Variants in RASA3 observed in about 807,000 individuals in gnomAD.
The protein encoded by RASA3 is RAS p21 protein activator 3.
Under a neutral mutation model 110.0 loss-of-function variants are expected in RASA3, and 73 were observed. That is an observed-to-expected ratio of 0.66 (90% CI 0.55 to 0.81). The LOEUF (loss-of-function observed/expected upper bound fraction) is 0.81. Among genes scored for constraint, RASA3 ranks in the 30% least tolerant of loss-of-function variants. RASA3 has a pLI of 0.00. For missense variants in RASA3, 976 were observed against 1,113.2 expected, an observed-to-expected ratio of 0.88 and a Z score of 1.75; for synonymous variants, 500 against 451.4, an observed-to-expected ratio of 1.11 and a Z score of -1.37.
intron 1 of RASA3, among the ~76,000 whole-genome samples, chr13:114,075,092 G>C (rs990820029): frequency 2.6e-5 from 4 of 151,998 alleles, no homozygotes; most frequent in African/African-American, 9.7e-5. Context: ...GACAGATGCA[G>C]GCACAGGCAC....
At chr13:114,053,498 G>T (rs922259675) in intron 2 of RASA3, among the ~76,000 whole-genome samples, 2 of 152,262 alleles carry the variant, frequency 1.3e-5, no homozygotes, top group Admixed American at 1.3e-4. Context: ...AAATAGGAAA[G>T]ATGTAAGTTA....
chr13:114,091,142 T>C (rs1459284839), intron 1 of RASA3, among the ~76,000 whole-genome samples: 1 of 152,148 alleles, frequency 6.6e-6, no homozygotes, highest in Admixed American at 6.5e-5. Context: ...AACAGTCCCA[T>C]TGCTATTTCT....
At chr13:114,078,965 C>G (rs2079736885) in intron 1 of RASA3, among the ~76,000 whole-genome samples, 3 of 152,256 alleles carry the variant, frequency 2.0e-5, no homozygotes, top group Non-Finnish European at 4.4e-5. Flanking sequence ...AGCACTGCTC[C>G]TCCCTGCAGG....
chr13:113,981,993 C>A, intron 22 of RASA3, 135 bp from the exon 23 acceptor site: 1 of 763,334 alleles, frequency 1.3e-6, no homozygotes, highest in South Asian at 2.0e-5. Flanking sequence ...GGGCTGACCA[C>A]CACTCGTAAA....
chr13:114,125,473 C>T (rs549134262), intron 1 of RASA3, among the ~76,000 whole-genome samples: 27 of 152,262 alleles, frequency 1.8e-4, no homozygotes, highest in African/African-American at 4.6e-4. Context: ...CCGGATCTCA[C>T]GAGAACTCAC....
intron 21 of RASA3, among the ~76,000 whole-genome samples, chr13:113,994,961 G>A (rs1412107845): frequency 1.3e-5 from 2 of 152,154 alleles, no homozygotes; most frequent in African/African-American, 2.4e-5. Flanking sequence ...GTGACAGAAC[G>A]AGATCCCATC....
intron 1 of RASA3, among the ~76,000 whole-genome samples, chr13:114,113,596 G>A (rs1181442373): frequency 2.0e-5 from 3 of 151,282 alleles, no homozygotes; most frequent in African/African-American, 4.8e-5. Flanking sequence ...AGCTCACACC[G>A]CATCCATCAA....
chr13:114,097,662 TCTC>T lies in RASA3; in HGVS notation c.56-23828_56-23826del, dbSNP rs924188277. Among the ~76,000 whole-genome samples, 54 of 152,232 alleles carry T rather than the reference TCTC, an allele frequency of 3.5e-4. No homozygotes were observed. The East Asian group carries it at 6.2e-3, about 17-fold the overall frequency. Reference sequence around the variant, plus strand: ...GCCCGGCCACAAAGGCTGCCGTCCTTCTCCTCGTCCCAGTCCATCTTACAGAAT... The same window carrying T: ...GCCCGGCCACAAAGGCTGCCGTCCTTCTCGTCCCAGTCCATCTTACAGAAT... On this transcript the variant is annotated intron_variant, in intron 1 of 23. Transcript: ENST00000334062.
chr13:114,110,310 C>A (rs2080199479), intron 1 of RASA3, among the ~76,000 whole-genome samples: 1 of 152,212 alleles, frequency 6.6e-6, no homozygotes. Context: ...CCTGACCATA[C>A]CCTGTGCTGT....
chr13:114,117,001 T>G (rs1312953327), intron 1 of RASA3, among the ~76,000 whole-genome samples: 12 of 104,438 alleles, frequency 1.1e-4, no homozygotes, highest in African/African-American at 4.7e-4. Context: ...TGCACATGTG[T>G]GAGGGGTGCA....
rs758360339 is a variant in RASA3 at position 114,027,924 on chromosome 13, G to A, written c.453C>T (p.Ile151=). The A allele has an allele frequency of 4.3e-6, 7 of 1,611,910 alleles. No individual in the cohort carries two copies. The highest frequency in any genetic ancestry group is 3.3e-5 in the South Asian group (3 of 91,048). Residue 151 remains isoleucine, a synonymous_variant, in exon 6 of 24, where the codon ATC becomes ATT. Transcript: ENST00000334062. ...CGATGGGGAGGCCCTGGCACTCGAC[G>A]ATGCTGAGGAGAGAAGCAGAGGCGG... ...GVVCHKLATR[I]VECQGLPIVN...
Position 114,066,947 on chromosome 13 carries a change from G to A in RASA3, c.173+6773C>T, listed in dbSNP as rs1038572398. Among the ~76,000 whole-genome samples, 6 of 147,954 alleles carry A rather than the reference G, an allele frequency of 4.1e-5. No individual in the cohort carries two copies. The East Asian group carries it at 1.0e-3, about 26-fold the overall frequency. The stretch of plus-strand genomic sequence containing the variant: ...TGGGCCCAACCTGGGCTGAGGACGG[G>A]CCTCCCCACCTGGGCTGAGGACAGG... On this transcript the variant is annotated intron_variant, in intron 2 of 23. Transcript: ENST00000334062.
At chr13:114,013,855 T>C (rs1468549438) in intron 14 of RASA3, among the ~76,000 whole-genome samples, 1 of 49,400 alleles carries the variant, frequency 2.0e-5, no homozygotes, top group East Asian at 1.0e-3. Flanking sequence ...CATCTCTCTG[T>C]CTCTCTCCCT....
chr13:113,999,581 T>TCA lies in RASA3; in HGVS notation c.1932+2_1932+3dup, dbSNP rs980664813. ...AAAGAGAGGCTTGGGGGCCCCACAC[T>TCA]CACGTTTTTCATTTTGAAAGACTCC... On this transcript the variant is annotated splice_donor_region_variant and intron_variant, in intron 20 of 23. Transcript: ENST00000334062. The TCA allele has an allele frequency of 6.2e-7, 1 of 1,612,694 alleles. No individual in the cohort carries two copies. Among genetic ancestry groups the TCA allele is most frequent in the Admixed American group, 1.7e-5 (1 of 59,934 alleles).
Position 114,076,709 on chromosome 13 carries a change from C to T in RASA3, c.56-2872G>A, listed in dbSNP as rs565248089. The stretch of plus-strand genomic sequence containing the variant: ...TGGCAGTTGAGGTTCCCGGAGCAGA[C>T]GCAGCCTTCCTGGTGGCCGCGGCTG... On this transcript the variant is annotated intron_variant, in intron 1 of 23. Transcript: ENST00000334062. Among the ~76,000 whole-genome samples, 3 of 152,242 alleles carry T rather than the reference C, an allele frequency of 2.0e-5. No homozygotes were observed. In the East Asian group the frequency reaches 5.8e-4, roughly 30 times the overall value.
chr13:114,035,295 C>T lies in RASA3; in HGVS notation c.373-5408G>A, dbSNP rs369749555. Among the ~76,000 whole-genome samples, 11 of 152,356 alleles carry T rather than the reference C, an allele frequency of 7.2e-5. No homozygotes were observed. In the East Asian group the frequency reaches 1.7e-3, roughly 24 times the overall value. ...ACAGGAAAGGAACGAGAGGACCTGG[C>T]TGCCGACCCTGGCACCTGCCTGGAC... On this transcript the variant is annotated intron_variant, in intron 4 of 23. Transcript: ENST00000334062.
intron 21 of RASA3, among the ~76,000 whole-genome samples, chr13:113,995,698 GGGCTGGCT>G (rs2053220883): frequency 2.2e-5 from 3 of 133,636 alleles, no homozygotes; most frequent in Admixed American, 7.3e-5. Flanking sequence ...GGCTGATGGG[GGGCTGGCT>G]GACGGAGGAC....
intron 2 of RASA3, among the ~76,000 whole-genome samples, chr13:114,055,846 C>T (rs530980670): frequency 2.0e-5 from 3 of 152,324 alleles, no homozygotes; most frequent in South Asian, 4.1e-4. Context: ...ACACAAGAAG[C>T]CCAGCGGGAG....
rs1355822995 is a variant in RASA3 at position 114,013,036 on chromosome 13, T to C, written c.1512+106A>G. 1.2e-5 allele frequency: 10 copies of C among 855,626 alleles called. No individual in the cohort carries two copies. In the African/African-American group the frequency reaches 1.4e-4, roughly 12 times the overall value. The allele number at this position is 855,626 out of a possible 1,614,324, so 53.0% of individuals were successfully genotyped here. ...TGATTCCTCACACACTCCCCACGCA[T>C]TCCACACTCCACACGGTCGGCCCCC... On this transcript the variant is annotated intron_variant, in intron 15 of 23. Coordinates refer to ENST00000334062, the MANE Select transcript of RASA3 (RefSeq NM_007368.4).
Sources: allele counts gnomAD v4.1 joint callset (sites outside exome capture counted in the v4.1 genomes callset), GRCh38; gene constraint gnomAD v4.1.1; transcripts MANE v1.5; gene names NCBI Gene and HGNC (gene_info 2026-07-23, HGNC 2026-07-21).